DRAXIN: variants seen among roughly 807,000 people sequenced by gnomAD.
The protein encoded by DRAXIN is dorsal repulsive axon guidance protein.
DRAXIN carries 27 observed loss-of-function variants against 33.9 expected under a neutral mutation model. That is an observed-to-expected ratio of 0.80 (90% CI 0.59 to 1.10). The LOEUF (loss-of-function observed/expected upper bound fraction) is 1.10. Among genes scored for constraint, DRAXIN ranks in the 50% least tolerant of loss-of-function variants. DRAXIN has a pLI of 0.00. For synonymous variants in DRAXIN, 178 were observed against 194.0 expected (o/e 0.92, Z 0.69); for missense variants, 371 against 460.8 (o/e 0.81, Z 1.78).
chr1:11,707,009 C>T (rs879340991), intron 2 of DRAXIN, among the ~76,000 whole-genome samples: 3 of 152,006 alleles, frequency 2.0e-5, no homozygotes, highest in Non-Finnish European at 4.4e-5. Flanking sequence ...ATCAGGAGAT[C>T]GAGACCACGG....
rs1641674091 is a variant in DRAXIN, at chr1:11,722,778, A to G, written c.*3082A>G. On this transcript the variant is annotated 3_prime_UTR_variant, in exon 7 of 7. Coordinates refer to ENST00000294485, the MANE Select transcript of DRAXIN (RefSeq NM_198545.4). ...CCAGGAAAACTATTTCTGGACACAC[A>G]TGTGAATTCTGTATACTTTTCACAT... The G allele has an allele frequency of 6.5e-6, 1 of 154,096 alleles. No homozygotes were observed. The highest frequency in any genetic ancestry group is 5.3e-4 in the Middle Eastern group (1 of 1,876). The allele number at this position is 154,096 out of a possible 1,614,324, so 9.5% of individuals were successfully genotyped here.
intron 5 of DRAXIN, among the ~76,000 whole-genome samples, chr1:11,713,795 C>T (rs1383373993): frequency 6.6e-6 from 1 of 152,282 alleles, no homozygotes; most frequent in South Asian, 2.1e-4. Flanking sequence ...AATCCCAGCC[C>T]TTTGGGAGGC....
chr1:11,710,201 A>G (rs1052392800), intron 3 of DRAXIN, among the ~76,000 whole-genome samples: 3 of 105,050 alleles, frequency 2.9e-5, no homozygotes, highest in African/African-American at 1.2e-4. Flanking sequence ...AAAAAAAAAA[A>G]GAAATGTGGG....
upstream of DRAXIN, among the ~76,000 whole-genome samples, chr1:11,688,798 GAGA>G (rs1373850312): frequency 6.6e-6 from 1 of 152,166 alleles, no homozygotes; most frequent in African/African-American, 2.4e-5. This position sits in a 1 kb window ranked among gnomAD's most constrained non-coding sequence, Gnocchi z 4.6. Flanking sequence ...GTCACAGTAT[GAGA>G]CAGGAGATCA....
chr1:11,712,376 A>T lies in DRAXIN; in HGVS notation c.794A>T (p.Glu265Val). ...HRGKLSSDGNETSPAEGEPCD... is the reference protein window; with the variant it reads ...HRGKLSSDGNVTSPAEGEPCD... ...GGTAAACTCTCCAGTGATGGTAACG[A>T]AACATCACCAGCCGAAGGGGAACCA... is the stretch of plus-strand genomic sequence containing the variant. The change falls in exon 5 of 7, where the codon GAA becomes GTA. Residue 265 changes from glutamate to valine, a missense_variant. Transcript: ENST00000294485. The T allele has an allele frequency of 6.2e-7, 1 of 1,614,110 alleles. No individual in the cohort carries two copies. The highest frequency in any genetic ancestry group is 8.5e-7 in the Non-Finnish European group (1 of 1,180,006).
intron 3 of DRAXIN, among the ~76,000 whole-genome samples, chr1:11,710,129 G>C (rs56182507): frequency 6.7e-6 from 1 of 150,022 alleles, no homozygotes; most frequent in African/African-American, 2.5e-5. Context: ...AGGCTGTAGC[G>C]TGTCAAGATC....
rs1480463389 is a variant in DRAXIN, at chr1:11,706,755, A to G, written c.451+46A>G. On this transcript the variant is annotated intron_variant, in intron 2 of 6. Coordinates refer to ENST00000294485, the MANE Select transcript of DRAXIN (RefSeq NM_198545.4). This position sits in a 1 kb window ranked among gnomAD's most constrained non-coding sequence, Gnocchi z 5.5. ...GGTGGGGATGGGGGTGATTCCTGCC[A>G]TGGACTGAGGGGAGCAGGAGAGGAT... 2 of 1,491,874 alleles carry G rather than the reference A, an allele frequency of 1.3e-6. No homozygotes were observed. The highest frequency in any genetic ancestry group is 2.1e-5 in the Admixed American group (1 of 47,088). 92.4% of individuals were successfully genotyped at this position (1,491,874 alleles called of 1,614,324 possible).
chr1:11,717,147 G>A (rs1312157183), intron 6 of DRAXIN, among the ~76,000 whole-genome samples: 1 of 151,780 alleles, frequency 6.6e-6, no homozygotes, highest in Non-Finnish European at 1.5e-5. Flanking sequence ...GATGGGCATG[G>A]TGGCACTTGC....
Position 11,719,468 on chromosome 1 carries a change from T to C in DRAXIN, c.938-116T>C, listed in dbSNP as rs72872026. The C allele has an allele frequency of 3.7e-3, 3,255 of 868,754 alleles. 69 individuals are homozygous for C. In the African/African-American group the frequency reaches 0.05, roughly 13 times the overall value. The allele number at this position is 868,754 out of a possible 1,614,324, so 53.8% of individuals were successfully genotyped here. A position where few individuals can be genotyped will look rare whatever the true frequency, so the allele number is the denominator to read the frequency against. On this transcript the variant is annotated intron_variant, in intron 6 of 6. Transcript: ENST00000294485. ...TGGGGCTGCCGTGAGGAAGCTGGGT[T>C]GTAGGGCAGAATAATGAAGGCAGGA...
chr1:11,709,482 C>T lies in DRAXIN; in HGVS notation c.642+17C>T. The T allele has an allele frequency of 1.2e-6, 2 of 1,606,896 alleles. No individual in the cohort carries two copies. The highest frequency in any genetic ancestry group is 1.7e-6 in the Non-Finnish European group (2 of 1,176,588). On this transcript the variant is annotated intron_variant, in intron 3 of 6. Coordinates refer to ENST00000294485, the MANE Select transcript of DRAXIN (RefSeq NM_198545.4). ...CGGCCCCAGGTAAGGGGTCCCCAAA[C>T]AGCCTCGGATCTGGAAGGGTCCTTG...
chr1:11,697,809 G>T (rs1031863901), intron 1 of DRAXIN, among the ~76,000 whole-genome samples: 8 of 152,220 alleles, frequency 5.3e-5, no homozygotes, highest in Non-Finnish European at 1.2e-4. Flanking sequence ...GACCCGTGGA[G>T]GGGTAGGTGG....
Position 11,711,920 on chromosome 1 carries a change from T to C in DRAXIN, c.712T>C (p.Tyr238His), listed in dbSNP as rs1334653775. 6.2e-7 allele frequency: 1 copy of C among 1,613,930 alleles called. No homozygotes were observed. Among genetic ancestry groups the C allele is most frequent in the Non-Finnish European group, 8.5e-7 (1 of 1,179,926 alleles). Reference protein sequence around the residue: ...LDMALFDWTDYEDLKPDGWPS... With the variant: ...LDMALFDWTDHEDLKPDGWPS... ...CATGGCCTTGTTCGACTGGACCGAT[T>C]ATGAAGACTTAAAACCTGATGGTTG... Residue 238 changes from tyrosine to histidine, a missense_variant, in exon 4 of 7, where the codon TAT (tyrosine) becomes CAT (histidine). Tyr to His is a moderately conservative substitution (Grantham distance 83). Transcript: ENST00000294485.
chr1:11,688,992 T>C (rs6657612), upstream of DRAXIN, among the ~76,000 whole-genome samples: 33,318 of 151,912 alleles, frequency 0.22, 6,939 homozygotes, highest in African/African-American at 0.55. The surrounding 1 kb of genome is among the most constrained non-coding windows in gnomAD (Gnocchi z 4.6). Context: ...TTACCCTATA[T>C]GGTCTAAAAA....
At position 11,719,933 on chromosome 1, in the gene DRAXIN, G is replaced by T; in HGVS notation, c.*237G>T. The T allele has an allele frequency of 4.0e-6, 2 of 505,774 alleles. No homozygotes were observed. Among genetic ancestry groups the T allele is most frequent in the Non-Finnish European group, 3.6e-6 (1 of 274,982 alleles). 31.3% of individuals were successfully genotyped at this position (505,774 alleles called of 1,614,324 possible). On this transcript the variant is annotated 3_prime_UTR_variant, in exon 7 of 7. Transcript: ENST00000294485. ...GACCCACGCAGCCTCCATCCCGCGT[G>T]TCTTGCTCTCCGCGATGGCAATGCC...
chr1:11,708,822 C>T (rs1388279805), intron 2 of DRAXIN, among the ~76,000 whole-genome samples: 3 of 152,196 alleles, frequency 2.0e-5, no homozygotes, highest in Non-Finnish European at 4.4e-5. Context: ...ACAGGATGCA[C>T]TCACTTGTGT....
At chr1:11,702,142 C>T (rs926781076) in intron 1 of DRAXIN, among the ~76,000 whole-genome samples, 6 of 151,380 alleles carry the variant, frequency 4.0e-5, no homozygotes, top group Admixed American at 1.3e-4. Context: ...CATACGTACA[C>T]GCCCACACAC....
Position 11,710,769 on chromosome 1 carries a change from A to C in DRAXIN, c.643-1082A>C, listed in dbSNP as rs1294023057. ...CTCTACTAAAAATACAAAAAAAAAA[A>C]AAAAATAGCCGGGCATAGTGGCAGG... is the stretch of plus-strand genomic sequence containing the variant. On this transcript the variant is annotated intron_variant, in intron 3 of 6. Transcript: ENST00000294485. 2.0e-5 allele frequency among the ~76,000 whole-genome samples: 3 copies of C among 150,702 alleles called. No individual in the cohort carries two copies. The East Asian group carries it at 5.9e-4, about 30-fold the overall frequency.
intron 1 of DRAXIN, among the ~76,000 whole-genome samples, chr1:11,702,218 A>G (rs1224342877): frequency 6.6e-6 from 1 of 150,428 alleles, no homozygotes; most frequent in East Asian, 2.0e-4. Context: ...ACACACCCAT[A>G]CATATGCTCA....
rs57704802 is a variant in DRAXIN at position 11,718,000 on chromosome 1, C to CA, written c.938-1567dup. On this transcript the variant is annotated intron_variant, in intron 6 of 6. Coordinates refer to ENST00000294485, the MANE Select transcript of DRAXIN (RefSeq NM_198545.4). The stretch of plus-strand genomic sequence containing the variant: ...CAGGCAACAGAGCAAGACCCTGTCT[C>CA]AAAAAAAAAAAAAAAAAGGGAGGCC... 7.9e-3 allele frequency among the ~76,000 whole-genome samples: 636 copies of CA among 80,854 alleles called. 23 individuals are homozygous for CA. The highest frequency in any genetic ancestry group is 0.029 in the South Asian group (71 of 2,410). The allele number at this position is 80,854 out of a possible 152,430, so 53.0% of individuals were successfully genotyped here. A position where few individuals can be genotyped will look rare whatever the true frequency, so the allele number is the denominator to read the frequency against.
Sources: gnomAD v4.1 joint callset for allele counts (sites outside exome capture counted in the v4.1 genomes callset) on GRCh38, gnomAD v4.1.1 for gene constraint, Gnocchi (gnomAD v3.1) non-coding constraint, MANE v1.5 for transcripts, NCBI Gene and HGNC (gene_info 2026-07-23, HGNC 2026-07-21) for gene names.